The following NECTIN1 variants were observed in gnomAD, a reference collection of about 807,000 sequenced individuals.
NECTIN1 encodes the protein nectin-1.
NECTIN1 carries 23 observed loss-of-function variants against 48.0 expected under a neutral mutation model. That is an observed-to-expected ratio of 0.48 (90% CI 0.34 to 0.68). The LOEUF is 0.68. Ranked by LOEUF, NECTIN1 falls within the 30% of genes least tolerant of loss-of-function variation. NECTIN1 has a pLI of 0.01. For synonymous variants in NECTIN1, 270 were observed against 288.9 expected (o/e 0.93, Z 0.66); for missense variants, 591 against 709.9 (o/e 0.83, Z 1.90).
Position 119,677,228 on chromosome 11 carries a change from C to T in NECTIN1, c.734-9G>A. ...GGTTACCTCAGGCTCATCTGTGGGG[C>T]AAGGGATGTTTGAAGAGGGTGAGGT... On this transcript the variant is annotated splice_polypyrimidine_tract_variant and intron_variant, in intron 3 of 5. Transcript: ENST00000264025. The surrounding 1 kb of genome is among the most constrained non-coding windows in gnomAD (Gnocchi z 5.4). 6.2e-7 allele frequency: 1 copy of T among 1,610,502 alleles called. No homozygotes were observed. The highest frequency in any genetic ancestry group is 8.5e-7 in the Non-Finnish European group (1 of 1,176,776).
rs1591453878 is a variant in NECTIN1 at position 119,672,154 on chromosome 11, G to A, written c.1003+3005C>T. Among the ~76,000 whole-genome samples the A allele has an allele frequency of 6.6e-6, 1 of 152,232 alleles. No homozygotes were observed. Among genetic ancestry groups the A allele is most frequent in the South Asian group, 2.1e-4 (1 of 4,830 alleles). ...TGAGCCCGGGCTTCACTGGAAATGTGAGTTGGGACAGACGCCCTGCACCCT... is the reference window on the plus strand; with the variant it reads ...TGAGCCCGGGCTTCACTGGAAATGTAAGTTGGGACAGACGCCCTGCACCCT... On this transcript the variant is annotated intron_variant, in intron 5 of 5. Coordinates refer to ENST00000264025, the MANE Select transcript of NECTIN1 (RefSeq NM_002855.5). The surrounding 1 kb of genome is among the most constrained non-coding windows in gnomAD (Gnocchi z 4.3).
intron 5 of NECTIN1, among the ~76,000 whole-genome samples, chr11:119,652,569 A>G: frequency 6.6e-6 from 1 of 152,220 alleles, no homozygotes; most frequent in Admixed American, 6.5e-5. Flanking sequence ...CATCTCTGAT[A>G]GTCATATGAA....
chr11:119,703,628 C>T (rs930291537), intron 1 of NECTIN1, among the ~76,000 whole-genome samples: 1 of 152,210 alleles, frequency 6.6e-6, no homozygotes, highest in Non-Finnish European at 1.5e-5. Flanking sequence ...ACCCGACCCA[C>T]AAGTGGCTGA....
At chr11:119,728,048 C>G (rs867948670) in intron 1 of NECTIN1, among the ~76,000 whole-genome samples, 1 of 152,214 alleles carries the variant, frequency 6.6e-6, no homozygotes, top group Non-Finnish European at 1.5e-5. Flanking sequence ...CGCCATACTC[C>G]AAACCCGCAG....
rs997330151 is a variant in NECTIN1, at chr11:119,661,014, T to C, written c.*3733A>G. The C allele has an allele frequency of 3.1e-6, 3 of 980,880 alleles. No individual in the cohort carries two copies. The highest frequency in any genetic ancestry group is 3.5e-5 in the African/African-American group (2 of 57,210). The allele number at this position is 980,880 out of a possible 1,614,324, so 60.8% of individuals were successfully genotyped here. A position where few individuals can be genotyped will look rare whatever the true frequency, so the allele number is the denominator to read the frequency against. ...CAGTTTGTTTTAAACACTTTATTTA[T>C]AAAAAAGTACATTTTTAATCCTCAG... On this transcript the variant is annotated 3_prime_UTR_variant, in exon 6 of 6. Coordinates refer to ENST00000264025, the MANE Select transcript of NECTIN1 (RefSeq NM_002855.5).
intron 5 of NECTIN1, among the ~76,000 whole-genome samples, chr11:119,647,991 G>A (rs569110318): frequency 1.4e-5 from 2 of 145,388 alleles, no homozygotes; most frequent in Non-Finnish European, 3.0e-5. Context: ...TTGAACCTGG[G>A]AGGCGGAGGC....
intron 1 of NECTIN1, among the ~76,000 whole-genome samples, chr11:119,695,636 C>T (rs563436814): frequency 6.6e-6 from 1 of 151,628 alleles, no homozygotes; most frequent in South Asian, 2.1e-4. Context: ...ATCTTTTAAT[C>T]AAGACTTCTT....
chr11:119,665,275 A>G lies in NECTIN1; in HGVS notation c.1026T>C (p.Pro342=), dbSNP rs749879919. ...NITEFPYTPS[P]PEHGRRAGPV... is the part of the protein sequence containing the mutation. ...GCCCGGCGCGCCGCCCATGTTCGGG[A>G]GGAGACGGGGTGTAGGGGAATTCTG... The change falls in exon 6 of 6, where the codon CCT becomes CCC. Residue 342 remains proline (P), a synonymous_variant. Coordinates refer to ENST00000264025, the MANE Select transcript of NECTIN1 (RefSeq NM_002855.5). This position sits in a 1 kb window ranked among gnomAD's most constrained non-coding sequence, Gnocchi z 5.1. The G allele has an allele frequency of 6.3e-7, 1 of 1,581,198 alleles. No homozygotes were observed. The highest frequency in any genetic ancestry group is 1.4e-5 in the African/African-American group (1 of 73,556).
rs1027051010 is a variant in NECTIN1, at chr11:119,664,606, C to T, written c.*141G>A. On this transcript the variant is annotated 3_prime_UTR_variant, in exon 6 of 6. Transcript: ENST00000264025. ...TCGTGGCTGCCCTGGGCTCCCCTGG[C>T]CCCCCAGGAGTTCGGGGCTGGCTTT... The T allele has an allele frequency of 2.4e-5, 34 of 1,441,738 alleles. No homozygotes were observed. The highest frequency in any genetic ancestry group is 5.1e-4 in the Middle Eastern group (2 of 3,898). 89.3% of individuals were successfully genotyped at this position (1,441,738 alleles called of 1,614,324 possible).
intron 1 of NECTIN1, among the ~76,000 whole-genome samples, chr11:119,695,584 A>C (rs560531837): frequency 7.7e-4 from 117 of 152,184 alleles, no homozygotes; most frequent in Non-Finnish European, 1.6e-3. Flanking sequence ...CAGAGAACCA[A>C]CTCAGGGATG....
chr11:119,714,502 A>G (rs1297921019), intron 1 of NECTIN1, among the ~76,000 whole-genome samples: 1 of 152,108 alleles, frequency 6.6e-6, no homozygotes, highest in Non-Finnish European at 1.5e-5. Flanking sequence ...ATGGCGGTGC[A>G]GGCAGGTGGG....
chr11:119,724,885 AT>A (rs1292639786), intron 1 of NECTIN1, among the ~76,000 whole-genome samples: 2 of 152,214 alleles, frequency 1.3e-5, no homozygotes, highest in Non-Finnish European at 2.9e-5. Flanking sequence ...GCTCATGACC[AT>A]TTTAGCCTGG....
chr11:119,725,565 TG>T (rs1369128017), intron 1 of NECTIN1, among the ~76,000 whole-genome samples: 1 of 152,140 alleles, frequency 6.6e-6, no homozygotes, highest in African/African-American at 2.4e-5. Flanking sequence ...CCAGCAGAAT[TG>T]GTTTTGCCAT....
chr11:119,722,618 G>A (rs961254029), intron 1 of NECTIN1, among the ~76,000 whole-genome samples: 6 of 152,254 alleles, frequency 3.9e-5, no homozygotes, highest in African/African-American at 1.4e-4. Flanking sequence ...AGCACCTGCT[G>A]CCTAGGTAGC....
At chr11:119,695,209 C>A (rs966784327) in intron 1 of NECTIN1, among the ~76,000 whole-genome samples, 2 of 152,104 alleles carry the variant, frequency 1.3e-5, no homozygotes, top group Admixed American at 6.6e-5. Context: ...AGTCCCCGGT[C>A]GCTCTCCACT....
rs569904769 is a variant in NECTIN1, at chr11:119,707,818, C to T, written c.79+20657G>A. On this transcript the variant is annotated intron_variant, in intron 1 of 5. Coordinates refer to ENST00000264025, the MANE Select transcript of NECTIN1 (RefSeq NM_002855.5). ...ATCAAAATATCAAATCAGGGCTGGG[C>T]TATCCATCACCTCGACACTCTTCTA... Among the ~76,000 whole-genome samples, 336 of 152,314 alleles carry T rather than the reference C, an allele frequency of 2.2e-3. 1 individual carries two copies. Among genetic ancestry groups the T allele is most frequent in the African/African-American group, 7.7e-3 (318 of 41,568 alleles).
chr11:119,668,450 A>G (rs1299589910), intron 5 of NECTIN1, among the ~76,000 whole-genome samples: 3 of 152,084 alleles, frequency 2.0e-5, no homozygotes, highest in African/African-American at 7.2e-5. Flanking sequence ...AGCTTCCATC[A>G]TGCAACCGTA....
downstream of NECTIN1, among the ~76,000 whole-genome samples, chr11:119,658,460 G>T (rs1045104816): frequency 6.6e-6 from 1 of 152,110 alleles, no homozygotes; most frequent in Non-Finnish European, 1.5e-5. Flanking sequence ...CGTGCTGCTC[G>T]GCATAGTGTC....
chr11:119,655,817 C>A (rs982200307), intron 5 of NECTIN1, among the ~76,000 whole-genome samples: 2 of 152,166 alleles, frequency 1.3e-5, no homozygotes, highest in Admixed American at 6.5e-5. Context: ...AATTGCCCAG[C>A]ACCAGAGGCT....
Sources: allele counts gnomAD v4.1 joint callset (sites outside exome capture counted in the v4.1 genomes callset), GRCh38; gene constraint gnomAD v4.1.1; non-coding constraint Gnocchi (gnomAD v3.1); transcripts MANE v1.5; gene names NCBI Gene and HGNC (gene_info 2026-07-23, HGNC 2026-07-21).